Variants in ENPP2 observed in about 807,000 individuals in gnomAD.
ENPP2 encodes ectonucleotide pyrophosphatase/phosphodiesterase 2.
In ENPP2, 51 loss-of-function variants were observed where a neutral mutation model predicts 120.2. The ratio of observed to expected loss-of-function variants is 0.42; its 90% CI spans 0.34 to 0.54. The LOEUF is 0.54. Among genes scored for constraint, ENPP2 ranks in the 20% least tolerant of loss-of-function variants. The pLI, the probability that ENPP2 is intolerant of heterozygous loss-of-function variation, is 0.04. For synonymous variants in ENPP2, 365 were observed against 366.4 expected, an observed-to-expected ratio of 1.00 and a Z score of 0.04; for missense variants, 920 against 1,066.5, an observed-to-expected ratio of 0.86 and a Z score of 1.91.
At chr8:119,569,521 T>A (rs1004621055) in intron 20 of ENPP2, 151 bp from the exon 21 acceptor site, 7 of 667,346 alleles carry the variant, frequency 1.0e-5, no homozygotes, top group Admixed American at 3.5e-5. Context: ...GACTTCTTTT[T>A]AAAAGTCCTT....
At chr8:119,591,599 A>G (rs1813511354) in intron 12 of ENPP2, among the ~76,000 whole-genome samples, 1 of 152,136 alleles carries the variant, frequency 6.6e-6, no homozygotes, top group African/African-American at 2.4e-5. Flanking sequence ...ATACTCATAT[A>G]TTTATATCCT....
intron 23 of ENPP2, 85 bp downstream of exon 23, chr8:119,564,734 TCTTC>T: frequency 9.4e-7 from 1 of 1,064,422 alleles, no homozygotes. Context: ...GGGTGTCATC[TCTTC>T]TCTAGTATAT....
chr8:119,626,548 A>T lies in ENPP2; in HGVS notation c.292+17T>A, dbSNP rs745768967. On this transcript the variant is annotated intron_variant, in intron 3 of 24. Coordinates refer to ENST00000075322, the MANE Select transcript of ENPP2 (RefSeq NM_001040092.3). ...AGCCATCTACTTGAAGGTAGAGAGG[A>T]CTCATAAGTTACGTACCTGTCTTCA... 1.2e-6 allele frequency: 2 copies of T among 1,609,718 alleles called. No homozygotes were observed. Among genetic ancestry groups the T allele is most frequent in the Non-Finnish European group, 1.7e-6 (2 of 1,176,198 alleles).
chr8:119,577,188 A>G (rs376235485), intron 19 of ENPP2, among the ~76,000 whole-genome samples: 43 of 152,324 alleles, frequency 2.8e-4, no homozygotes, highest in African/African-American at 9.9e-4. Context: ...TCTGTGTTTT[A>G]AAAAACTAAT....
intron 12 of ENPP2, among the ~76,000 whole-genome samples, chr8:119,591,048 G>C (rs901234818): frequency 2.6e-4 from 39 of 150,018 alleles, no homozygotes; most frequent in African/African-American, 8.6e-4. Flanking sequence ...TCCCAGCTGG[G>C]GGTGGTATAA....
At chr8:119,566,106 C>T (rs928564781) in intron 22 of ENPP2, among the ~76,000 whole-genome samples, 3 of 152,132 alleles carry the variant, frequency 2.0e-5, no homozygotes, top group African/African-American at 7.2e-5. Flanking sequence ...AAAAACATTC[C>T]TGGATCTGTG....
chr8:119,583,707 A>G lies in ENPP2; in HGVS notation c.1543+10T>C, dbSNP rs1433155203. On this transcript the variant is annotated intron_variant, in intron 17 of 24. Coordinates refer to ENST00000075322, the MANE Select transcript of ENPP2 (RefSeq NM_001040092.3). The stretch of plus-strand genomic sequence containing the variant: ...TTGTTTCAATGGTTCTGATTAAATG[A>G]GTGACTTACCACACATAACATTGTA... The G allele has an allele frequency of 1.4e-6, 2 of 1,425,280 alleles. No individual in the cohort carries two copies. Among genetic ancestry groups the G allele is most frequent in the Admixed American group, 1.8e-5 (1 of 56,030 alleles). 88.3% of individuals were successfully genotyped at this position (1,425,280 alleles called of 1,614,324 possible).
At chr8:119,602,367 G>C (rs569359207) in intron 9 of ENPP2, among the ~76,000 whole-genome samples, 1 of 150,654 alleles carries the variant, frequency 6.6e-6, no homozygotes, top group Non-Finnish European at 1.5e-5. Flanking sequence ...TGAGGCAAGA[G>C]AATCGCTTGA....
chr8:119,646,607 C>T (rs1174701897), intron 1 of ENPP2, among the ~76,000 whole-genome samples: 1 of 152,114 alleles, frequency 6.6e-6, no homozygotes, highest in Non-Finnish European at 1.5e-5. Flanking sequence ...CCTTATATGA[C>T]CCTTAGGCAA....
intron 3 of ENPP2, among the ~76,000 whole-genome samples, chr8:119,624,131 A>G (rs571534312): frequency 1.3e-5 from 2 of 152,172 alleles, no homozygotes; most frequent in Non-Finnish European, 2.9e-5. Flanking sequence ...CCATAAGAAA[A>G]TCACATCTAC....
At chr8:119,593,900 T>C in intron 11 of ENPP2, 40 bp from the exon 12 acceptor site, 1 of 1,149,092 alleles carries the variant, frequency 8.7e-7, no homozygotes, top group Non-Finnish European at 1.3e-6. Context: ...AGGGTTTTCT[T>C]TCTTTCCCTT....
chr8:119,589,820 A>G (rs533426444), intron 13 of ENPP2, among the ~76,000 whole-genome samples: 5 of 152,322 alleles, frequency 3.3e-5, no homozygotes, highest in Admixed American at 2.6e-4. Context: ...CAATAAAACT[A>G]TGGACTTCTC....
rs752781986 is a variant in ENPP2 at position 119,570,738 on chromosome 8, C to T, written c.1884G>A (p.Met628Ile). 1.3e-6 allele frequency: 2 copies of T among 1,588,312 alleles called. No homozygotes were observed. The highest frequency in any genetic ancestry group is 1.7e-6 in the Non-Finnish European group (2 of 1,165,434). ...AAACAGTATATGATGTCCAGAGTGGCATTAGGAATATTTCACTATAACCAC... is the reference window on the plus strand; with the variant it reads ...AAACAGTATATGATGTCCAGAGTGGTATTAGGAATATTTCACTATAACCAC... ...FESGYSEIFL[M>I]PLWTSYTVSK... Residue 628 changes from methionine (M) to isoleucine (I), a missense_variant, in exon 20 of 25, where the codon ATG becomes ATA. Met to Ile is a conservative substitution (Grantham distance 10). Coordinates refer to ENST00000075322, the MANE Select transcript of ENPP2 (RefSeq NM_001040092.3).
In ENPP2 at chr8:119,586,300, T is replaced by A. The variant is rs1409113302; in HGVS notation, c.1253A>T (p.Asp418Val). The A allele has an allele frequency of 1.9e-6, 3 of 1,613,886 alleles. No individual in the cohort carries two copies. In the Admixed American group the frequency reaches 5.0e-5, roughly 27 times the overall value. The stretch of plus-strand genomic sequence containing the variant: ...TTTCAAGTAAGGCTTAAAGTGCTGA[T>A]CTGGTTTTTTACACTGAAATAGAAA... ...IIANLTCKKP[D>V]QHFKPYLKQH... The change falls in exon 15 of 25, where the codon GAT (aspartate) becomes GTT (valine). Residue 418 changes from aspartate to valine, a missense_variant. Asp to Val is a radical substitution (Grantham distance 152). Coordinates refer to ENST00000075322, the MANE Select transcript of ENPP2 (RefSeq NM_001040092.3).
At chr8:119,606,263 A>T (rs541525392) in intron 9 of ENPP2, among the ~76,000 whole-genome samples, 1 of 152,330 alleles carries the variant, frequency 6.6e-6, no homozygotes, top group South Asian at 2.1e-4. Flanking sequence ...AAAGCTACAG[A>T]CATCTTTGGA....
At chr8:119,632,706 C>T (rs1174753961) in intron 2 of ENPP2, among the ~76,000 whole-genome samples, 2 of 152,190 alleles carry the variant, frequency 1.3e-5, no homozygotes, top group Non-Finnish European at 1.5e-5. Flanking sequence ...GGTACAATTA[C>T]TTTTACTTAA....
intron 12 of ENPP2, among the ~76,000 whole-genome samples, chr8:119,591,720 G>A (rs1813518664): frequency 6.6e-6 from 1 of 152,056 alleles, no homozygotes; most frequent in Non-Finnish European, 1.5e-5. Context: ...ACCTTCCCTT[G>A]TTTAATACAA....
intron 9 of ENPP2, among the ~76,000 whole-genome samples, chr8:119,606,555 C>CA (rs1048113122): frequency 4.0e-4 from 60 of 151,402 alleles, no homozygotes; most frequent in African/African-American, 1.4e-3. Flanking sequence ...TTATATTAAG[C>CA]AGTATCATTT....
intron 2 of ENPP2, among the ~76,000 whole-genome samples, chr8:119,632,702 A>G (rs1007011918): frequency 1.3e-5 from 2 of 152,252 alleles, no homozygotes; most frequent in South Asian, 2.1e-4. Flanking sequence ...AACAGGTACA[A>G]TTACTTTTAC....
Sources: gnomAD v4.1 joint callset for allele counts (sites outside exome capture counted in the v4.1 genomes callset) on GRCh38, gnomAD v4.1.1 for gene constraint, MANE v1.5 for transcripts, NCBI Gene and HGNC (gene_info 2026-07-23, HGNC 2026-07-21) for gene names.